CEMIP: variants seen among roughly 807,000 people sequenced by gnomAD.
CEMIP encodes the protein cell migration inducing hyaluronidase 1.
Under a neutral mutation model 156.9 loss-of-function variants are expected in CEMIP, and 105 were observed. The observed-to-expected ratio is 0.67, with a 90% CI of 0.57 to 0.79. The LOEUF (loss-of-function observed/expected upper bound fraction) is 0.79, where lower values mean the gene tolerates loss of function less well. CEMIP is among the 30% of genes least tolerant of loss of function. CEMIP has a pLI of 0.00. For missense variants in CEMIP, 1,457 were observed against 1,769.4 expected, an observed-to-expected ratio of 0.82 and a Z score of 3.17; for synonymous variants, 676 against 668.4, an observed-to-expected ratio of 1.01 and a Z score of -0.17.
chr15:80,906,680 C>T lies in CEMIP; in HGVS notation c.1429C>T (p.His477Tyr), dbSNP rs1271141166. The T allele has an allele frequency of 6.2e-7, 1 of 1,613,694 alleles. No individual in the cohort carries two copies. The highest frequency in any genetic ancestry group is 1.3e-5 in the African/African-American group (1 of 74,934). ...TGCCCTAGGGAAACCAATGTACCTG[C>T]ACATCGGGGAGGAGATAGACGGCGT... Reference protein sequence around the residue: ...VKVAGKPMYLHIGEEIDGVDM... With the variant: ...VKVAGKPMYLYIGEEIDGVDM... Residue 477 changes from histidine (H) to tyrosine (Y), a missense_variant, in exon 13 of 30, where the codon CAC becomes TAC. Around this residue, in one of 5 missense-constraint regions of CEMIP, gnomAD observed 280 missense variants for 300.3 expected, o/e 0.93. Transcript: ENST00000394685. The surrounding 1 kb of genome is among the most constrained non-coding windows in gnomAD (Gnocchi z 4.3).
intron 25 of CEMIP, among the ~76,000 whole-genome samples, chr15:80,939,818 C>G: frequency 6.6e-6 from 1 of 152,160 alleles, no homozygotes; most frequent in East Asian, 1.9e-4. Flanking sequence ...TTTGTTGTTT[C>G]TTATACTCAG....
At chr15:80,813,696 A>G (rs1896723098) in intron 1 of CEMIP, among the ~76,000 whole-genome samples, 1 of 152,146 alleles carries the variant, frequency 6.6e-6, no homozygotes. Context: ...TCTAAAGGTG[A>G]AATAATTTCC....
rs368683261 is a variant in CEMIP at position 80,932,148 on chromosome 15, G to T, written c.2793+109G>T. 2 of 1,273,266 alleles carry T rather than the reference G, an allele frequency of 1.6e-6. No homozygotes were observed. The highest frequency in any genetic ancestry group is 2.2e-6 in the Non-Finnish European group (2 of 889,362). 78.9% of individuals were successfully genotyped at this position (1,273,266 alleles called of 1,614,324 possible). ...CTATTGCCACCACCGCAGGGGTTGA[G>T]AAGCCTCCTCCAACTAGGCTGGGCC... On this transcript the variant is annotated intron_variant, in intron 22 of 29. Transcript: ENST00000394685. The surrounding 1 kb of genome is among the most constrained non-coding windows in gnomAD (Gnocchi z 4.5).
intron 1 of CEMIP, among the ~76,000 whole-genome samples, chr15:80,868,007 A>C (rs1167203578): frequency 2.0e-5 from 3 of 152,126 alleles, no homozygotes; most frequent in Non-Finnish European, 4.4e-5. Flanking sequence ...AAGACCTCTG[A>C]GCTCTGCTTT....
intron 1 of CEMIP, among the ~76,000 whole-genome samples, chr15:80,860,461 A>C (rs1421746296): frequency 6.6e-6 from 1 of 152,232 alleles, no homozygotes; most frequent in Non-Finnish European, 1.5e-5. Flanking sequence ...GCATCACTCC[A>C]AAAGGATTAG....
At chr15:80,909,365 A>G in intron 14 of CEMIP, 59 bp downstream of exon 14, 1 of 1,550,692 alleles carries the variant, frequency 6.4e-7, no homozygotes, top group South Asian at 1.1e-5. Flanking sequence ...TTAGCACTGG[A>G]GGGGTGTTTG....
chr15:80,804,538 G>A (rs1415439287), intron 1 of CEMIP, among the ~76,000 whole-genome samples: 1 of 152,166 alleles, frequency 6.6e-6, no homozygotes, highest in Admixed American at 6.5e-5. Flanking sequence ...AGCTTGGACT[G>A]GACTGGCTCT....
At chr15:80,923,754 C>T (rs1275827181) in intron 17 of CEMIP, among the ~76,000 whole-genome samples, 3 of 152,186 alleles carry the variant, frequency 2.0e-5, no homozygotes, top group African/African-American at 7.2e-5. Context: ...GAGGCTTCAC[C>T]TGGGGTCTCT....
At chr15:80,808,345 G>A (rs938458822) in intron 1 of CEMIP, among the ~76,000 whole-genome samples, 23 of 152,134 alleles carry the variant, frequency 1.5e-4, no homozygotes, top group African/African-American at 4.3e-4. Flanking sequence ...TACATACAGC[G>A]CATCTGCCCC....
intron 1 of CEMIP, among the ~76,000 whole-genome samples, chr15:80,844,236 G>A (rs376774037): frequency 4.6e-5 from 7 of 152,280 alleles, no homozygotes; most frequent in South Asian, 2.1e-4. Context: ...CACCCCTGTC[G>A]CGCCCTCCCC....
chr15:80,887,868 A>G lies in CEMIP; in HGVS notation c.868+104A>G, dbSNP rs527378496. The G allele has an allele frequency of 6.1e-5, 58 of 956,904 alleles. No homozygotes were observed. The African/African-American group carries it at 8.9e-4, about 15-fold the overall frequency. The allele number at this position is 956,904 out of a possible 1,614,324, so 59.3% of individuals were successfully genotyped here. ...CACTTTTCTCAGAGCATGGCTTCCC[A>G]GCTCCCAATGTCTAGATGAGTGAGC... is the stretch of plus-strand genomic sequence containing the variant. On this transcript the variant is annotated intron_variant, in intron 8 of 29. Transcript: ENST00000394685.
At chr15:80,900,985 G>A (rs1899507617) in intron 12 of CEMIP, 1 of 454,830 alleles carries the variant, frequency 2.2e-6, no homozygotes, top group Non-Finnish European at 4.4e-6. Flanking sequence ...AACAGATGGG[G>A]GTAACATAGT....
chr15:80,873,904 T>C lies in CEMIP; in HGVS notation c.25T>C (p.Phe9Leu). The C allele has an allele frequency of 6.3e-7, 1 of 1,581,276 alleles. No individual in the cohort carries two copies. Among genetic ancestry groups the C allele is most frequent in the Non-Finnish European group, 8.6e-7 (1 of 1,161,946 alleles). The change falls in exon 3 of 30, where the codon TTC (phenylalanine) becomes CTC (leucine). Residue 9 changes from phenylalanine (F) to leucine (L), a missense_variant. By Grantham distance (22) the Phe-to-Leu change is conservative. Coordinates refer to ENST00000394685, the MANE Select transcript of CEMIP (RefSeq NM_001293298.2). MGAAGRQD[F>L]LFKAMLTISW... is the part of the protein sequence containing the mutation. ...GATGGGAGCTGCTGGGAGGCAGGACTTCCTCTTCAAGGCCATGCTGACCAT... is the reference window on the plus strand; with the variant it reads ...GATGGGAGCTGCTGGGAGGCAGGACCTCCTCTTCAAGGCCATGCTGACCAT...
intron 28 of CEMIP, among the ~76,000 whole-genome samples, chr15:80,945,580 G>A (rs985186480): frequency 2.0e-5 from 3 of 152,192 alleles, no homozygotes; most frequent in Non-Finnish European, 4.4e-5. Flanking sequence ...GCCTGAGGCA[G>A]CCCCAGCTCC....
intron 1 of CEMIP, among the ~76,000 whole-genome samples, chr15:80,812,444 A>G (rs28468684): frequency 0.56 from 84,730 of 151,934 alleles, 23,900 homozygotes; most frequent in Admixed American, 0.62. Context: ...TCCTAGCTCC[A>G]CCGTTAGTCA....
intron 1 of CEMIP, among the ~76,000 whole-genome samples, chr15:80,811,116 T>C (rs945595262): frequency 6.6e-6 from 1 of 152,136 alleles, no homozygotes; most frequent in Non-Finnish European, 1.5e-5. Context: ...TACAGTCTAG[T>C]GGAGAAATGA....
intron 1 of CEMIP, among the ~76,000 whole-genome samples, chr15:80,859,807 G>C (rs138665425): frequency 6.6e-6 from 1 of 152,310 alleles, no homozygotes; most frequent in Non-Finnish European, 1.5e-5. Flanking sequence ...TCCTTTAGTT[G>C]GTGGAGAGAA....
chr15:80,900,638 G>GTGTGTGTC (rs1596172807), intron 12 of CEMIP, among the ~76,000 whole-genome samples: 1,077 of 101,508 alleles, frequency 0.011, 4 homozygotes, highest in Admixed American at 0.018. Flanking sequence ...GTGTGTGTGT[G>GTGTGTGTC]TGTGTGTGTG....
intron 1 of CEMIP, among the ~76,000 whole-genome samples, chr15:80,870,904 C>T (rs955540137): frequency 1.3e-5 from 2 of 152,188 alleles, no homozygotes; most frequent in African/African-American, 2.4e-5. Flanking sequence ...GTCCTCATGG[C>T]TCGATCTCTG....
Sources: allele counts gnomAD v4.1 joint callset (sites outside exome capture counted in the v4.1 genomes callset), GRCh38; gene constraint gnomAD v4.1.1; regional missense constraint gnomAD v4.1.1; non-coding constraint Gnocchi (gnomAD v3.1); transcripts MANE v1.5; gene names NCBI Gene and HGNC (gene_info 2026-07-23, HGNC 2026-07-21).